The following IQCH variants were observed in gnomAD, a reference collection of about 807,000 sequenced individuals.
IQCH encodes the protein IQ domain-containing protein H.
Under a neutral mutation model 117.0 loss-of-function variants are expected in IQCH, and 98 were observed. The ratio of observed to expected loss-of-function variants is 0.84; its 90% CI spans 0.71 to 0.99. The LOEUF (loss-of-function observed/expected upper bound fraction) is 0.99, where lower values mean the gene tolerates loss of function less well. Among genes scored for constraint, IQCH ranks in the 50% least tolerant of loss-of-function variants. The probability of loss-of-function intolerance (pLI) is 0.00; values close to 1 mark genes in which losing one functional copy is unlikely to be tolerated. For missense variants in IQCH, 1,102 were observed against 1,243.8 expected (o/e 0.89, Z 1.72); for synonymous variants, 412 against 448.2 (o/e 0.92, Z 1.02).
At chr15:67,383,395 G>T (rs1971006081) in intron 10 of IQCH, among the ~76,000 whole-genome samples, 1 of 152,134 alleles carries the variant, frequency 6.6e-6, no homozygotes, top group Non-Finnish European at 1.5e-5. Flanking sequence ...TCACTCACAT[G>T]CTGCGTATGT....
chr15:67,371,186 C>T lies in IQCH; in HGVS notation c.754-925C>T, dbSNP rs188553332. ...TGAAAATCTGTACCCTCCCTCTCCC[C>T]CAGCCCCTCCAAGCCATCAGGAACA... On this transcript the variant is annotated intron_variant, in intron 8 of 20. Transcript: ENST00000335894. 9.2e-4 allele frequency among the ~76,000 whole-genome samples: 140 copies of T among 152,224 alleles called. 1 individual carries two copies. In the East Asian group the frequency reaches 0.011, roughly 12 times the overall value.
chr15:67,306,915 A>G (rs1967327366), intron 4 of IQCH: 3 of 1,456,936 alleles, frequency 2.1e-6, no homozygotes, highest in Non-Finnish European at 2.7e-6. Flanking sequence ...AGACTTTATA[A>G]TACAACACAT....
In IQCH at chr15:67,447,580, A is replaced by G. The variant is rs2082418246; in HGVS notation, c.2506-17547A>G. 6.6e-6 allele frequency among the ~76,000 whole-genome samples: 1 copy of G among 152,174 alleles called. No individual in the cohort carries two copies. Among genetic ancestry groups the G allele is most frequent in the Non-Finnish European group, 1.5e-5 (1 of 68,026 alleles). Reference sequence around the variant, plus strand: ...TGGGGTTGAGGGAGTGTCCCCGTGGAGGGCATAGAGCTTGCAGGGAGCCCC... The same window carrying G: ...TGGGGTTGAGGGAGTGTCCCCGTGGGGGGCATAGAGCTTGCAGGGAGCCCC... On this transcript the variant is annotated intron_variant, in intron 16 of 20. Transcript: ENST00000335894. The surrounding 1 kb of genome is among the most constrained non-coding windows in gnomAD (Gnocchi z 5.3).
intron 16 of IQCH, among the ~76,000 whole-genome samples, chr15:67,451,998 A>T (rs369948648): frequency 6.6e-6 from 1 of 151,934 alleles, no homozygotes; most frequent in Non-Finnish European, 1.5e-5. Flanking sequence ...TTGTCTCTTT[A>T]GATCTTTGTT....
chr15:67,317,139 G>A (rs867017704), intron 4 of IQCH, among the ~76,000 whole-genome samples: 1 of 152,174 alleles, frequency 6.6e-6, no homozygotes, highest in Non-Finnish European at 1.5e-5. Context: ...ATTTATTTGT[G>A]TGTGACTTTG....
intron 19 of IQCH, among the ~76,000 whole-genome samples, chr15:67,492,944 A>G (rs1464126943): frequency 6.6e-6 from 1 of 152,194 alleles, no homozygotes; most frequent in Non-Finnish European, 1.5e-5. Flanking sequence ...AGAATTAATA[A>G]TTAGACTGGT....
rs551695700 is a variant in IQCH, at chr15:67,399,133, C to T, written c.1906-981C>T. The stretch of plus-strand genomic sequence containing the variant: ...TCTCTGTGGGTTGGGATAGGCAGCA[C>T]AGTAAAGAGGGAATGAGCATAGGTT... On this transcript the variant is annotated intron_variant, in intron 13 of 20. Coordinates refer to ENST00000335894, the MANE Select transcript of IQCH (RefSeq NM_001031715.3). 3.3e-5 allele frequency among the ~76,000 whole-genome samples: 5 copies of T among 152,268 alleles called. No individual in the cohort carries two copies. The South Asian group carries it at 1.0e-3, about 32-fold the overall frequency.
chr15:67,323,366 C>T (rs550362513), intron 4 of IQCH, among the ~76,000 whole-genome samples: 2 of 151,660 alleles, frequency 1.3e-5, no homozygotes, highest in African/African-American at 4.8e-5. Context: ...CCCCAGCCTC[C>T]CGAGTAGCTG....
In IQCH at chr15:67,328,205, G is replaced by A. The variant is rs193064167; in HGVS notation, c.388-8770G>A. Among the ~76,000 whole-genome samples, 387 of 152,088 alleles carry A rather than the reference G, an allele frequency of 2.5e-3. 2 individuals are homozygous for A. The highest frequency in any genetic ancestry group is 4.8e-3 in the South Asian group (23 of 4,806). Reference sequence around the variant, plus strand: ...CCAGAGTTTGTTATTATTGTCTTCAGGAGAGAGAGTCTTTTATAAGCTGCT... The same window carrying A: ...CCAGAGTTTGTTATTATTGTCTTCAAGAGAGAGAGTCTTTTATAAGCTGCT... On this transcript the variant is annotated intron_variant, in intron 4 of 20. Transcript: ENST00000335894.
At chr15:67,363,843 A>G (rs918143512) in intron 8 of IQCH, among the ~76,000 whole-genome samples, 1 of 152,202 alleles carries the variant, frequency 6.6e-6, no homozygotes, top group African/African-American at 2.4e-5. Flanking sequence ...TGCTTAGGAT[A>G]ATAGCCTCCA....
rs1320981147 is a variant in IQCH at position 67,476,531 on chromosome 15, A to G, written c.2799+713A>G. On this transcript the variant is annotated intron_variant, in intron 18 of 20. Transcript: ENST00000335894. This position sits in a 1 kb window ranked among gnomAD's most constrained non-coding sequence, Gnocchi z 4.1. Reference sequence around the variant, plus strand: ...CAGTCCATAGCATCCTCCTACTGATATTTGATAATTTATTTCTGAAGGGAG... The same window carrying G: ...CAGTCCATAGCATCCTCCTACTGATGTTTGATAATTTATTTCTGAAGGGAG... Among the ~76,000 whole-genome samples, 1 of 152,204 alleles carries G rather than the reference A, an allele frequency of 6.6e-6. No homozygotes were observed. Among genetic ancestry groups the G allele is most frequent in the Admixed American group, 6.5e-5 (1 of 15,278 alleles).
Position 67,458,495 on chromosome 15 carries a change from T to G in IQCH, c.2506-6632T>G, listed in dbSNP as rs1435857864. The stretch of plus-strand genomic sequence containing the variant: ...TAACTGGACTCCCTGTTTCCATCCT[T>G]GCCCCCTCAGGGCCTCTTGTCAATG... On this transcript the variant is annotated intron_variant, in intron 16 of 20. Coordinates refer to ENST00000335894, the MANE Select transcript of IQCH (RefSeq NM_001031715.3). This position sits in a 1 kb window ranked among gnomAD's most constrained non-coding sequence, Gnocchi z 4.1. 6.6e-6 allele frequency among the ~76,000 whole-genome samples: 1 copy of G among 152,228 alleles called. No individual in the cohort carries two copies. The highest frequency in any genetic ancestry group is 1.9e-4 in the East Asian group (1 of 5,198).
chr15:67,494,207 G>A lies in IQCH; in HGVS notation c.2862-51G>A. On this transcript the variant is annotated intron_variant, in intron 19 of 20. Coordinates refer to ENST00000335894, the MANE Select transcript of IQCH (RefSeq NM_001031715.3). This position sits in a 1 kb window ranked among gnomAD's most constrained non-coding sequence, Gnocchi z 5.5. The stretch of plus-strand genomic sequence containing the variant: ...CAAATGAGAGGGCGATTGTTTTTAA[G>A]CATGTGAAGGGAATCGTTGGTAAAC... 7.6e-7 allele frequency: 1 copy of A among 1,320,252 alleles called. No homozygotes were observed. The highest frequency in any genetic ancestry group is 1.1e-6 in the Non-Finnish European group (1 of 952,248). 81.8% of individuals were successfully genotyped at this position (1,320,252 alleles called of 1,614,324 possible). A position where few individuals can be genotyped will look rare whatever the true frequency, so the allele number is the denominator to read the frequency against.
chr15:67,408,229 T>A lies in IQCH; in HGVS notation c.2097+7924T>A, dbSNP rs983347947. 2.6e-5 allele frequency: 4 copies of A among 152,278 alleles called. No individual in the cohort carries two copies. Among genetic ancestry groups the A allele is most frequent in the Non-Finnish European group, 5.9e-5 (4 of 68,078 alleles). The allele number at this position is 152,278 out of a possible 1,614,324, so 9.4% of individuals were successfully genotyped here. A position where few individuals can be genotyped will look rare whatever the true frequency, so the allele number is the denominator to read the frequency against. On this transcript the variant is annotated intron_variant, in intron 14 of 20. Transcript: ENST00000335894. This position sits in a 1 kb window ranked among gnomAD's most constrained non-coding sequence, Gnocchi z 4.2. ...CAGGAAGTCCCTGTTGGAGGTCTTTTGGAAAGGTCCGCTTTGCTGAAAACC... is the reference window on the plus strand; with the variant it reads ...CAGGAAGTCCCTGTTGGAGGTCTTTAGGAAAGGTCCGCTTTGCTGAAAACC...
intron 16 of IQCH, among the ~76,000 whole-genome samples, chr15:67,461,185 G>A (rs1328200992): frequency 6.7e-6 from 1 of 148,636 alleles, no homozygotes; most frequent in Non-Finnish European, 1.5e-5. Context: ...AGACCAGTCT[G>A]GCCAACATGT....
intron 18 of IQCH, among the ~76,000 whole-genome samples, chr15:67,488,903 A>C (rs902412668): frequency 2.6e-5 from 4 of 152,316 alleles, no homozygotes; most frequent in East Asian, 1.9e-4. Flanking sequence ...AACAGGCCAC[A>C]GACCTGTCTG....
At chr15:67,375,522 T>C (rs1211314317) in intron 10 of IQCH, among the ~76,000 whole-genome samples, 1 of 152,126 alleles carries the variant, frequency 6.6e-6, no homozygotes, top group African/African-American at 2.4e-5. Flanking sequence ...TAAAACTAGT[T>C]TTCTTCTGGA....
At chr15:67,441,344 T>A (rs1455021253) in intron 16 of IQCH, among the ~76,000 whole-genome samples, 2 of 151,894 alleles carry the variant, frequency 1.3e-5, no homozygotes, top group African/African-American at 4.8e-5. Flanking sequence ...GCAATCCCCA[T>A]CAAAATACCA....
At chr15:67,337,187 A>G in intron 5 of IQCH, 92 bp downstream of exon 5, 1 of 1,423,670 alleles carries the variant, frequency 7.0e-7, no homozygotes, top group Non-Finnish European at 9.7e-7. Flanking sequence ...ACTCTGGCTC[A>G]GCCACTAATT....
Sources: gnomAD v4.1 joint callset for allele counts (sites outside exome capture counted in the v4.1 genomes callset) on GRCh38, gnomAD v4.1.1 for gene constraint, Gnocchi (gnomAD v3.1) non-coding constraint, MANE v1.5 for transcripts, NCBI Gene and HGNC (gene_info 2026-07-23, HGNC 2026-07-21) for gene names.